IQSEC2: variants seen among roughly 807,000 people sequenced by gnomAD.
The protein encoded by IQSEC2 is IQ motif and Sec7 domain ArfGEF 2, also known as IQ motif and SEC7 domain-containing protein 2.
A neutral mutation model predicts 74.6 loss-of-function variants in IQSEC2; 6 were observed. The ratio of observed to expected loss-of-function variants is 0.08; its 90% CI spans 0.04 to 0.16. The LOEUF (loss-of-function observed/expected upper bound fraction) is 0.16. Ranked by LOEUF, IQSEC2 falls within the 10% of genes least tolerant of loss-of-function variation. IQSEC2 has a pLI of 1.00. For missense variants in IQSEC2, 734 were observed against 1,306.2 expected (o/e 0.56, Z 6.75); for synonymous variants, 494 against 544.5 (o/e 0.91, Z 1.29).
chrX:53,243,677 T>A (rs2074259454), intron 8 of IQSEC2, among the ~76,000 whole-genome samples: 1 of 111,505 alleles, frequency 9.0e-6, no homozygotes, highest in East Asian at 2.8e-4. Context: ...AGTGGGGAAT[T>A]TTTTCTCAAC....
chrX:53,306,740 G>T (rs782800717), intron 1 of IQSEC2, among the ~76,000 whole-genome samples: 1 of 111,672 alleles, frequency 9.0e-6, no homozygotes, highest in Admixed American at 9.5e-5. Flanking sequence ...AGGAGGATGG[G>T]AGAGGGTGAG....
At chrX:53,311,938 C>T (rs782795940) in intron 1 of IQSEC2, among the ~76,000 whole-genome samples, 23 of 111,234 alleles carry the variant, frequency 2.1e-4, no homozygotes, top group Admixed American at 1.9e-3. Context: ...AAAACAAAAA[C>T]AACACAAAAA....
At chrX:53,235,873 C>G (rs781789208) in intron 13 of IQSEC2, 41 bp from the exon 14 acceptor site, 7 of 1,122,673 alleles carry the variant, frequency 6.2e-6, no homozygotes, top group Non-Finnish European at 8.3e-6. Flanking sequence ...GAGCAGCAAC[C>G]CCCCCCCTAC....
intron 2 of IQSEC2, among the ~76,000 whole-genome samples, chrX:53,261,284 C>T (rs781976119): frequency 1.8e-5 from 2 of 110,981 alleles, no homozygotes; most frequent in Admixed American, 9.6e-5. Flanking sequence ...TAGAGTAAGA[C>T]GCTGGGCAGG....
intron 2 of IQSEC2, among the ~76,000 whole-genome samples, chrX:53,260,639 A>G (rs886283808): frequency 3.6e-5 from 4 of 110,806 alleles, no homozygotes; most frequent in African/African-American, 1.3e-4. Context: ...CTGCTCAGGT[A>G]TGCCTTTCCA....
At chrX:53,273,308 G>A (rs2074772343) in intron 2 of IQSEC2, among the ~76,000 whole-genome samples, 1 of 110,278 alleles carries the variant, frequency 9.1e-6, no homozygotes, top group Non-Finnish European at 1.9e-5. Flanking sequence ...GCCTACTTCT[G>A]TCCCATCCCA....
intron 2 of IQSEC2, among the ~76,000 whole-genome samples, chrX:53,291,411 T>G (rs2075098762): frequency 8.9e-6 from 1 of 111,825 alleles, no homozygotes; most frequent in African/African-American, 3.3e-5. Flanking sequence ...ACAAAAAAAT[T>G]TTCCTTGTCG....
chrX:53,255,013 A>C (rs2074445491), intron 3 of IQSEC2, 82 bp from the exon 4 acceptor site: 62 of 936,325 alleles, frequency 6.6e-5, no homozygotes, highest in Middle Eastern at 3.3e-4. Context: ...CACCACCCCC[A>C]CTGGAATCAT....
At chrX:53,310,241 G>A (rs1489028593) in intron 1 of IQSEC2, among the ~76,000 whole-genome samples, 1 of 110,274 alleles carries the variant, frequency 9.1e-6, no homozygotes, top group African/African-American at 3.3e-5. Context: ...AAAATTAGCC[G>A]GTCATGGTAG....
chrX:53,308,907 G>A (rs2075293598), intron 1 of IQSEC2, among the ~76,000 whole-genome samples: 1 of 108,834 alleles, frequency 9.2e-6, no homozygotes, highest in African/African-American at 3.4e-5. Context: ...AGACCTAACT[G>A]GGCAACATAG....
intron 2 of IQSEC2, among the ~76,000 whole-genome samples, chrX:53,288,368 G>T (rs1177264225): frequency 1.8e-5 from 2 of 111,060 alleles, no homozygotes; most frequent in African/African-American, 6.5e-5. Context: ...CCCTGTCTCC[G>T]CGGGTGTCAG....
chrX:53,284,773 A>C (rs2075009208), intron 2 of IQSEC2, among the ~76,000 whole-genome samples: 1 of 111,934 alleles, frequency 8.9e-6, no homozygotes, highest in Non-Finnish European at 1.9e-5. Context: ...GTGGGGGGAC[A>C]ATGGACAGAG....
intron 2 of IQSEC2, among the ~76,000 whole-genome samples, chrX:53,267,684 G>A (rs1409065435): frequency 9.0e-6 from 1 of 111,644 alleles, no homozygotes; most frequent in East Asian, 2.8e-4. Flanking sequence ...AATGGAGTAC[G>A]GAAAGCCCAC....
intron 2 of IQSEC2, among the ~76,000 whole-genome samples, chrX:53,289,006 C>A (rs1345540927): frequency 9.1e-6 from 1 of 109,305 alleles, no homozygotes; most frequent in African/African-American, 3.3e-5. Flanking sequence ...AGACGCCACA[C>A]TTCCTCTGGC....
chrX:53,265,463 G>C (rs1372013071), intron 2 of IQSEC2, among the ~76,000 whole-genome samples: 3 of 111,456 alleles, frequency 2.7e-5, no homozygotes, highest in African/African-American at 9.8e-5. Context: ...ACAACCCAGA[G>C]AGGTAGGTAT....
chrX:53,258,666 G>A (rs906816136), intron 2 of IQSEC2, among the ~76,000 whole-genome samples: 6 of 107,883 alleles, frequency 5.6e-5, no homozygotes, highest in Non-Finnish European at 1.2e-4. Flanking sequence ...ACCAACCCAG[G>A]CAACATGGCG....
At chrX:53,277,294 C>G (rs2074849948) in intron 2 of IQSEC2, among the ~76,000 whole-genome samples, 1 of 110,631 alleles carries the variant, frequency 9.0e-6, no homozygotes, top group Admixed American at 9.6e-5. Flanking sequence ...TCACTGCAAC[C>G]TCCGCCTCCC....
intron 2 of IQSEC2, among the ~76,000 whole-genome samples, chrX:53,268,283 GGGAAA>G (rs2074689579): frequency 9.0e-6 from 1 of 111,317 alleles, no homozygotes. Flanking sequence ...GGGAAGTGAA[GGGAAA>G]GGAAAGGAAG....
intron 2 of IQSEC2, among the ~76,000 whole-genome samples, chrX:53,256,848 G>C (rs2074481049): frequency 8.9e-6 from 1 of 112,552 alleles, no homozygotes; most frequent in Non-Finnish European, 1.9e-5. Context: ...CTGGGGGAAG[G>C]GGGCAGGGGA....
Sources: gnomAD v4.1 joint callset for allele counts (sites outside exome capture counted in the v4.1 genomes callset) on GRCh38, gnomAD v4.1.1 for gene constraint, MANE v1.5 for transcripts, NCBI Gene and HGNC (gene_info 2026-07-23, HGNC 2026-07-21) for gene names.